C2orf49: variants seen among roughly 807,000 people sequenced by gnomAD.
The protein encoded by C2orf49 is tRNA splicing ligase complex subunit 2.
Under a neutral mutation model 20.6 loss-of-function variants are expected in C2orf49, and 11 were observed. The ratio of observed to expected loss-of-function variants is 0.53; its 90% CI spans 0.34 to 0.88. The LOEUF (loss-of-function observed/expected upper bound fraction) is 0.88. Ranked by LOEUF, C2orf49 falls within the 40% of genes least tolerant of loss-of-function variation. C2orf49 has a pLI of 0.02. For missense variants in C2orf49, 289 were observed against 274.2 expected (o/e 1.05, Z -0.38); for synonymous variants, 134 against 108.5 (o/e 1.24, Z -1.46).
In C2orf49 at chr2:105,346,256, A is replaced by G. The variant is rs779398581; in HGVS notation, c.*885A>G. ...AAAATGCTGTTCTTTAATTGCTTACATTGCTTCTTCCCATAAAAAGCAAAA... is the reference window on the plus strand; with the variant it reads ...AAAATGCTGTTCTTTAATTGCTTACGTTGCTTCTTCCCATAAAAAGCAAAA... On this transcript the variant is annotated 3_prime_UTR_variant, in exon 4 of 4. Coordinates refer to ENST00000258457, the MANE Select transcript of C2orf49 (RefSeq NM_024093.3). 1.3e-5 allele frequency: 2 copies of G among 152,188 alleles called. No individual in the cohort carries two copies. The highest frequency in any genetic ancestry group is 6.5e-5 in the Admixed American group (1 of 15,284). 9.4% of individuals were successfully genotyped at this position (152,188 alleles called of 1,614,324 possible). A position where few individuals can be genotyped will look rare whatever the true frequency, so the allele number is the denominator to read the frequency against.
the C2orf49 span, chr2:105,361,372 A>T: frequency 6.2e-7 from 1 of 1,614,188 alleles, no homozygotes; most frequent in Admixed American, 1.7e-5. Context: ...CACTTCTTAC[A>T]GTTAAAGCAG....
the C2orf49 span, chr2:105,374,042 C>T: frequency 7.7e-6 from 3 of 390,880 alleles, no homozygotes; most frequent in Admixed American, 3.9e-5. Context: ...GAAAGAGAAA[C>T]AGAAAACATG....
chr2:105,356,384 C>G, the C2orf49 span, among the ~76,000 whole-genome samples: 3 of 152,108 alleles, frequency 2.0e-5, no homozygotes, highest in Non-Finnish European at 1.5e-5. Context: ...GAGCAAAACT[C>G]TGTCTCAAAA....
chr2:105,383,798 G>A, the C2orf49 span, among the ~76,000 whole-genome samples: 51 of 152,184 alleles, frequency 3.4e-4, no homozygotes, highest in Non-Finnish European at 6.0e-4. Context: ...ATTTTTGAAA[G>A]TCAAGAAAAG....
chr2:105,361,291 C>G, the C2orf49 span: 2 of 1,612,902 alleles, frequency 1.2e-6, no homozygotes, highest in Non-Finnish European at 1.7e-6. Flanking sequence ...ATTCAGATGT[C>G]TTTCCCACAG....
chr2:105,337,793 G>T lies in C2orf49; in HGVS notation c.99+107G>T, dbSNP rs897974420. On this transcript the variant is annotated intron_variant, in intron 1 of 3. Transcript: ENST00000258457. ...TCGGCAACCACGGACACTCCCGCCG[G>T]GTTTGTGTCACTCTCCACCCACACA... The T allele has an allele frequency of 1.6e-5, 16 of 1,001,084 alleles. No homozygotes were observed. In the East Asian group the frequency reaches 3.7e-4, roughly 23 times the overall value. The allele number at this position is 1,001,084 out of a possible 1,614,324, so 62.0% of individuals were successfully genotyped here.
intron 1 of C2orf49, among the ~76,000 whole-genome samples, chr2:105,339,194 A>G (rs574081673): frequency 1.3e-5 from 2 of 152,334 alleles, no homozygotes; most frequent in South Asian, 4.1e-4. Flanking sequence ...TGATAGTAAC[A>G]CTCAAGGTAG....
chr2:105,365,459 G>A, the C2orf49 span, among the ~76,000 whole-genome samples: 215 of 152,142 alleles, frequency 1.4e-3, no homozygotes, highest in Non-Finnish European at 2.4e-3. Flanking sequence ...AATGAATAAA[G>A]CACACATTGG....
rs1679537759 is a variant in C2orf49, at chr2:105,337,684, C to G, written c.97C>G (p.Gln33Glu). 1.1e-5 allele frequency: 6 copies of G among 557,826 alleles called. No individual in the cohort carries two copies. Among genetic ancestry groups the G allele is most frequent in the Non-Finnish European group, 1.4e-5 (6 of 414,352 alleles). The allele number at this position is 557,826 out of a possible 1,614,324, so 34.6% of individuals were successfully genotyped here. Residue 33 changes from glutamine to glutamate, a missense_variant and splice_region_variant, in exon 1 of 4, where the codon CAG becomes GAG. By Grantham distance (29) the Gln-to-Glu change is conservative. Transcript: ENST00000258457. ...SQEFLLLTLEQKNIAVETDVR... is the reference protein window; with the variant it reads ...SQEFLLLTLEEKNIAVETDVR... The stretch of plus-strand genomic sequence containing the variant: ...GGAGTTCCTTCTCCTCACTCTGGAG[C>G]AGGTTGGGCGCGCCGGATCGGAGGG...
At chr2:105,338,514 TC>T (rs1288580142) in intron 1 of C2orf49, among the ~76,000 whole-genome samples, 5 of 152,184 alleles carry the variant, frequency 3.3e-5, no homozygotes, top group Non-Finnish European at 5.9e-5. Context: ...GTTCAGTAGT[TC>T]CGGAATGTGG....
At chr2:105,363,056 C>A in the C2orf49 span, 1 of 515,658 alleles carries the variant, frequency 1.9e-6, no homozygotes, top group Non-Finnish European at 3.5e-6. Flanking sequence ...AACTGGAGCA[C>A]TGGCCATATG....
At chr2:105,361,128 CTAAAGGGTT>C in the C2orf49 span, 1 of 722,286 alleles carries the variant, frequency 1.4e-6, no homozygotes, top group Non-Finnish European at 2.2e-6. Context: ...TCACAAAGCA[CTAAAGGGTT>C]TAAGCAAACG....
Position 105,339,622 on chromosome 2 carries a change from G to A in C2orf49, c.139G>A (p.Asp47Asn), listed in dbSNP as rs984823057. Residue 47 changes from aspartate to asparagine, a missense_variant, in exon 2 of 4, where the codon GAC becomes AAC. Transcript: ENST00000258457. ...AVETDVRVNK[D>N]SLTDLYVQHA... is the part of the protein sequence containing the mutation. ...TGAAACTGATGTAAGAGTAAACAAAGACAGTCTTACTGACCTTTATGTCCA... is the reference window on the plus strand; with the variant it reads ...TGAAACTGATGTAAGAGTAAACAAAAACAGTCTTACTGACCTTTATGTCCA... 2.5e-6 allele frequency: 4 copies of A among 1,603,250 alleles called. No individual in the cohort carries two copies. In the East Asian group the frequency reaches 6.8e-5, roughly 27 times the overall value.
At chr2:105,339,446 A>C in intron 1 of C2orf49, 137 bp from the exon 2 acceptor site, 1 of 698,744 alleles carries the variant, frequency 1.4e-6, no homozygotes, top group Non-Finnish European at 2.3e-6. Flanking sequence ...CACTGTCTCT[A>C]AGTGCGCGTG....
chr2:105,382,388 T>A, the C2orf49 span, among the ~76,000 whole-genome samples: 2 of 152,188 alleles, frequency 1.3e-5, no homozygotes, highest in Non-Finnish European at 2.9e-5. Flanking sequence ...AGGTAGCAGG[T>A]GGCATCACAT....
At chr2:105,337,995 A>G (rs1320130823) in intron 1 of C2orf49, among the ~76,000 whole-genome samples, 1 of 152,226 alleles carries the variant, frequency 6.6e-6, no homozygotes, top group Non-Finnish European at 1.5e-5. Flanking sequence ...TGAGGAAGAA[A>G]GAAGCGTGGA....
At chr2:105,373,519 G>A in the C2orf49 span, 8 of 1,611,400 alleles carry the variant, frequency 5.0e-6, no homozygotes, top group South Asian at 7.7e-5. Flanking sequence ...AAGGCTTGAA[G>A]CTAGACTGGC....
chr2:105,359,286 T>C, the C2orf49 span: 2 of 152,176 alleles, frequency 1.3e-5, no homozygotes, highest in Admixed American at 6.5e-5. Context: ...AAAATGAAAT[T>C]TGGAGTGCTT....
chr2:105,378,622 C>T, the C2orf49 span: 1 of 158,052 alleles, frequency 6.3e-6, no homozygotes, highest in Admixed American at 6.2e-5. Context: ...TGCGTTATCT[C>T]GGCATCATTC....
Sources: gnomAD v4.1 joint callset for allele counts (sites outside exome capture counted in the v4.1 genomes callset) on GRCh38, gnomAD v4.1.1 for gene constraint, MANE v1.5 for transcripts, NCBI Gene and HGNC (gene_info 2026-07-23, HGNC 2026-07-21) for gene names.